TBX15: variants seen among roughly 807,000 people sequenced by gnomAD.
The protein encoded by TBX15 is T-box transcription factor 15, also known as T-box transcription factor TBX15.
TBX15 carries 18 observed loss-of-function variants against 53.9 expected under a neutral mutation model. That is an observed-to-expected ratio of 0.33 (90% CI 0.23 to 0.49). The LOEUF is 0.49. TBX15 is among the 20% of genes least tolerant of loss of function. The pLI is 0.98. For missense variants in TBX15, 692 were observed against 749.5 expected, an observed-to-expected ratio of 0.92 and a Z score of 0.90; for synonymous variants, 295 against 278.0, an observed-to-expected ratio of 1.06 and a Z score of -0.61.
Position 118,884,249 on chromosome 1 carries a change from T to A in TBX15, c.*483A>T. On this transcript the variant is annotated 3_prime_UTR_variant, in exon 8 of 8. Coordinates refer to ENST00000369429, the MANE Select transcript of TBX15 (RefSeq NM_001330677.2). Reference sequence around the variant, plus strand: ...ACAAATTCTTGGTGAAAGCACCCATTCTGGGCCTCCCTCCACAGAGTTCAC... The same window carrying A: ...ACAAATTCTTGGTGAAAGCACCCATACTGGGCCTCCCTCCACAGAGTTCAC... The A allele has an allele frequency of 1.2e-5, 2 of 171,662 alleles. No homozygotes were observed. The allele number at this position is 171,662 out of a possible 1,614,324, so 10.6% of individuals were successfully genotyped here.
At chr1:118,913,429 TAGG>T (rs1655089079) in intron 6 of TBX15, among the ~76,000 whole-genome samples, 1 of 152,092 alleles carries the variant, frequency 6.6e-6, no homozygotes, top group African/African-American at 2.4e-5. Context: ...TAATTTTATA[TAGG>T]AGGAGTGAGA....
intron 1 of TBX15, among the ~76,000 whole-genome samples, chr1:118,933,259 T>C (rs1571186482): frequency 6.6e-6 from 1 of 152,134 alleles, no homozygotes; most frequent in Non-Finnish European, 1.5e-5. Context: ...GGGAATAAAG[T>C]GCCCACAGGG....
chr1:118,884,741 G>A lies in TBX15; in HGVS notation c.1800C>T (p.His600=). ...GTGTTTGGACTGGCCTTTAAACCATGTGCACGGACATCTGGGAGGAGGAGC... is the reference window on the plus strand; with the variant it reads ...GTGTTTGGACTGGCCTTTAAACCATATGCACGGACATCTGGGAGGAGGAGC... The part of the protein sequence containing the change: ...VPGSSSQMSV[H]MV Residue 600 remains histidine, a synonymous_variant, in exon 8 of 8, where the codon CAC becomes CAT. Coordinates refer to ENST00000369429, the MANE Select transcript of TBX15 (RefSeq NM_001330677.2). 3.1e-6 allele frequency: 5 copies of A among 1,613,946 alleles called. No individual in the cohort carries two copies. The highest frequency in any genetic ancestry group is 4.2e-6 in the Non-Finnish European group (5 of 1,179,970).
At chr1:118,893,489 A>G (rs188171402) in intron 7 of TBX15, among the ~76,000 whole-genome samples, 5,051 of 71,882 alleles carry the variant, frequency 0.07, 129 homozygotes, top group South Asian at 0.14. Context: ...AAGGAAGGAA[A>G]GAAAGAAAGA....
At position 118,884,617 on chromosome 1, in the gene TBX15, A is replaced by AC; in HGVS notation, c.*114_*115insG. ...ATGTCTTCGGCCAGAAAAAAAAAAA[A>AC]AAAAAAAACACGGTTCCTGTTTTTC... On this transcript the variant is annotated 3_prime_UTR_variant, in exon 8 of 8. Coordinates refer to ENST00000369429, the MANE Select transcript of TBX15 (RefSeq NM_001330677.2). 2.3e-6 allele frequency: 3 copies of AC among 1,328,016 alleles called. No homozygotes were observed. The highest frequency in any genetic ancestry group is 3.1e-6 in the Non-Finnish European group (3 of 974,510). The allele number at this position is 1,328,016 out of a possible 1,614,324, so 82.3% of individuals were successfully genotyped here. A position where few individuals can be genotyped will look rare whatever the true frequency, so the allele number is the denominator to read the frequency against.
intron 1 of TBX15, among the ~76,000 whole-genome samples, chr1:118,945,495 G>A (rs1396751513): frequency 1.3e-5 from 2 of 152,126 alleles, no homozygotes; most frequent in Non-Finnish European, 2.9e-5. Context: ...GGTCACAGGA[G>A]AAAGAAAGGC....
At chr1:118,905,848 T>C (rs1355823934) in intron 6 of TBX15, among the ~76,000 whole-genome samples, 1 of 152,204 alleles carries the variant, frequency 6.6e-6, no homozygotes, top group Non-Finnish European at 1.5e-5. Flanking sequence ...AGTGGTCAGT[T>C]CACTGGCTCT....
chr1:118,927,271 G>GT (rs1167644009), intron 2 of TBX15, among the ~76,000 whole-genome samples: 2 of 152,336 alleles, frequency 1.3e-5, no homozygotes, highest in Non-Finnish European at 2.9e-5. Context: ...GCACAGGCAT[G>GT]TGTGTGCATG....
Position 118,924,629 on chromosome 1 carries a change from A to G in TBX15, c.693+17T>C. 2.5e-6 allele frequency: 4 copies of G among 1,613,908 alleles called. No individual in the cohort carries two copies. Among genetic ancestry groups the G allele is most frequent in the Non-Finnish European group, 3.4e-6 (4 of 1,179,798 alleles). ...AGGAAGAGAGAAAGAAAGGGGAGATAGGATTCTTTGACTCACATGTCCTTG... is the reference window on the plus strand; with the variant it reads ...AGGAAGAGAGAAAGAAAGGGGAGATGGGATTCTTTGACTCACATGTCCTTG... On this transcript the variant is annotated intron_variant, in intron 4 of 7. Transcript: ENST00000369429.
chr1:118,947,557 C>A (rs1042924439), intron 1 of TBX15, among the ~76,000 whole-genome samples: 1 of 152,152 alleles, frequency 6.6e-6, no homozygotes, highest in African/African-American at 2.4e-5. Flanking sequence ...GAGAAGGAAT[C>A]CTACTGCTTA....
intron 7 of TBX15, among the ~76,000 whole-genome samples, chr1:118,898,100 T>C (rs1288450904): frequency 1.3e-5 from 2 of 152,178 alleles, no homozygotes; most frequent in Non-Finnish European, 2.9e-5. Flanking sequence ...TTCCAAATAA[T>C]GCAGACGATA....
intron 6 of TBX15, among the ~76,000 whole-genome samples, chr1:118,906,747 T>TAGAGCGTC (rs1654844296): frequency 6.6e-6 from 1 of 152,166 alleles, no homozygotes; most frequent in African/African-American, 2.4e-5. Context: ...GCACCAGTCT[T>TAGAGCGTC]AGATCAGCAT....
chr1:118,943,565 T>C (rs1656252552), intron 1 of TBX15, among the ~76,000 whole-genome samples: 1 of 152,056 alleles, frequency 6.6e-6, no homozygotes, highest in South Asian at 2.1e-4. Flanking sequence ...AAGAGGTATA[T>C]TGGGTCTTCA....
intron 1 of TBX15, among the ~76,000 whole-genome samples, chr1:118,972,737 T>TTA (rs1442671747): frequency 1.3e-5 from 2 of 152,102 alleles, no homozygotes; most frequent in Admixed American, 6.5e-5. Flanking sequence ...GTAGCTGGGA[T>TTA]TACGGGTGCC....
intron 7 of TBX15, among the ~76,000 whole-genome samples, chr1:118,886,149 A>C (rs766759048): frequency 3.3e-5 from 5 of 152,190 alleles, no homozygotes; most frequent in Non-Finnish European, 7.3e-5. Context: ...TTGGGAACAC[A>C]ATTATAAGAG....
At chr1:118,902,842 GT>G (rs1654679833) in intron 6 of TBX15, among the ~76,000 whole-genome samples, 1 of 151,980 alleles carries the variant, frequency 6.6e-6, no homozygotes, top group Non-Finnish European at 1.5e-5. Context: ...AATTTACCCT[GT>G]GCTACACATT....
chr1:118,906,228 T>C (rs2101536244), intron 6 of TBX15, among the ~76,000 whole-genome samples: 1 of 152,310 alleles, frequency 6.6e-6, no homozygotes, highest in East Asian at 1.9e-4. Context: ...ATAAATACAG[T>C]AATTTTCTAT....
intron 7 of TBX15, chr1:118,890,742 G>T: frequency 2.3e-6 from 1 of 430,346 alleles, no homozygotes; most frequent in Non-Finnish European, 4.0e-6. Context: ...TAATATAAGG[G>T]CTTTCACATA....
At chr1:118,952,820 T>A (rs1247712182) in intron 1 of TBX15, among the ~76,000 whole-genome samples, 1 of 152,132 alleles carries the variant, frequency 6.6e-6, no homozygotes, top group Non-Finnish European at 1.5e-5. Context: ...GAGACAGAAA[T>A]CAAGTATTTA....
Sources: allele counts gnomAD v4.1 joint callset (sites outside exome capture counted in the v4.1 genomes callset), GRCh38; gene constraint gnomAD v4.1.1; transcripts MANE v1.5; gene names NCBI Gene and HGNC (gene_info 2026-07-23, HGNC 2026-07-21).